SCUBE1: variants seen among roughly 807,000 people sequenced by gnomAD.
The protein encoded by SCUBE1 is signal peptide, CUB domain and EGF like domain containing 1, also known as signal peptide, CUB and EGF-like domain-containing protein 1.
Under a neutral mutation model 124.4 loss-of-function variants are expected in SCUBE1, and 59 were observed. That is an observed-to-expected ratio of 0.47 (90% CI 0.38 to 0.59). SCUBE1 has a LOEUF of 0.59. Among genes scored for constraint, SCUBE1 ranks in the 20% least tolerant of loss-of-function variants. SCUBE1 has a pLI of 0.00. For synonymous variants in SCUBE1, 545 were observed against 550.9 expected (o/e 0.99, Z 0.15); for missense variants, 1,150 against 1,371.2 (o/e 0.84, Z 2.55).
chr22:43,274,795 G>A (rs1924433944), intron 4 of SCUBE1, among the ~76,000 whole-genome samples: 1 of 152,238 alleles, frequency 6.6e-6, no homozygotes, highest in Admixed American at 6.5e-5. Flanking sequence ...ACAGCCTGGG[G>A]CTGGAGTCCC....
At chr22:43,324,916 G>A (rs557314736) in intron 2 of SCUBE1, among the ~76,000 whole-genome samples, 71 of 150,030 alleles carry the variant, frequency 4.7e-4, no homozygotes, top group African/African-American at 1.7e-3. Flanking sequence ...CTTGGAAGTA[G>A]GGTCTTTGCA....
chr22:43,200,069 G>T lies in SCUBE1; in HGVS notation c.*3928C>A. On this transcript the variant is annotated 3_prime_UTR_variant, in exon 22 of 22. Transcript: ENST00000360835. ...CACGCCTGGGTCCCACCTGACTCCTGGGAAGCTGTGCGGGAGACACCCCGG... is the reference window on the plus strand; with the variant it reads ...CACGCCTGGGTCCCACCTGACTCCTTGGAAGCTGTGCGGGAGACACCCCGG... 1 of 152,390 alleles carries T rather than the reference G, an allele frequency of 6.6e-6. No individual in the cohort carries two copies. The allele number at this position is 152,390 out of a possible 1,614,324, so 9.4% of individuals were successfully genotyped here.
rs879122443 is a variant in SCUBE1 at position 43,258,482 on chromosome 22, G to A, written c.611-147C>T. On this transcript the variant is annotated intron_variant, in intron 5 of 21. Coordinates refer to ENST00000360835, the MANE Select transcript of SCUBE1 (RefSeq NM_173050.5). The surrounding 1 kb of genome is among the most constrained non-coding windows in gnomAD (Gnocchi z 5.0). ...AGGGTCATGAGGCTCGCCGGGCAAC[G>A]GGGGAGCATTTCCCTGCACTTCAGC... 1.2e-5 allele frequency: 8 copies of A among 669,270 alleles called. No homozygotes were observed. Among genetic ancestry groups the A allele is most frequent in the South Asian group, 3.3e-5 (2 of 60,866 alleles). The allele number at this position is 669,270 out of a possible 1,614,324, so 41.5% of individuals were successfully genotyped here.
At chr22:43,230,905 C>T (rs139016) in intron 8 of SCUBE1, among the ~76,000 whole-genome samples, 11,306 of 152,274 alleles carry the variant, frequency 0.074, 557 homozygotes, top group Non-Finnish European at 0.11. Context: ...GGCAGAAGCA[C>T]AGCCTGGTAC....
intron 2 of SCUBE1, among the ~76,000 whole-genome samples, chr22:43,328,307 C>A (rs1365610551): frequency 6.6e-6 from 1 of 152,168 alleles, no homozygotes; most frequent in Non-Finnish European, 1.5e-5. Context: ...CCACAGGGAA[C>A]CTGCCAGGCT....
chr22:43,292,296 G>A (rs1280526187), intron 3 of SCUBE1, among the ~76,000 whole-genome samples: 2 of 152,098 alleles, frequency 1.3e-5, no homozygotes, highest in African/African-American at 4.8e-5. Context: ...CCTCAGGGCC[G>A]ACACTCATTT....
chr22:43,220,522 T>C lies in SCUBE1; in HGVS notation c.1615A>G (p.Lys539Glu). ...DSSKKRRRGR[K>E]SPSKEVSHIT... ...TGGGACACCTCCTTGGATGGGGACT[T>C]GCGGCCACGGCGCCTCTTCTTGGAG... Residue 539 changes from lysine to glutamate, a missense_variant, in exon 14 of 22, where the codon AAG becomes GAG. Physicochemically the swap from Lys to Glu is moderately conservative, Grantham distance 56 (BLOSUM62 1). This residue lies in a region of SCUBE1 where 757 missense variants were observed against 840.9 expected (regional missense o/e 0.90). Coordinates refer to ENST00000360835, the MANE Select transcript of SCUBE1 (RefSeq NM_173050.5). 2 of 1,614,108 alleles carry C rather than the reference T, an allele frequency of 1.2e-6. No homozygotes were observed. The highest frequency in any genetic ancestry group is 1.7e-6 in the Non-Finnish European group (2 of 1,180,000).
At chr22:43,274,504 G>T (rs1202043572) in intron 4 of SCUBE1, among the ~76,000 whole-genome samples, 2 of 152,180 alleles carry the variant, frequency 1.3e-5, no homozygotes, top group African/African-American at 4.8e-5. Flanking sequence ...GCTCAGGCAG[G>T]TGCCCAGGCC....
chr22:43,223,059 C>T (rs1237795369), intron 11 of SCUBE1, 38 bp downstream of exon 11: 1 of 1,501,220 alleles, frequency 6.7e-7, no homozygotes, highest in Admixed American at 2.4e-5. Context: ...GAAGACCCCC[C>T]TGCCACAGCA....
At chr22:43,310,951 T>A (rs1286111265) in intron 3 of SCUBE1, among the ~76,000 whole-genome samples, 4 of 152,244 alleles carry the variant, frequency 2.6e-5, no homozygotes, top group African/African-American at 4.8e-5. Context: ...GCTAATTTTT[T>A]AAATTTCTGT....
chr22:43,231,678 C>T, intron 8 of SCUBE1, 75 bp downstream of exon 8: 2 of 1,507,680 alleles, frequency 1.3e-6, no homozygotes, highest in Non-Finnish European at 1.8e-6. Flanking sequence ...TCCTAGGAGC[C>T]CGTGTCAGCC....
At chr22:43,215,361 G>A (rs890884789) in intron 15 of SCUBE1, among the ~76,000 whole-genome samples, 4 of 152,216 alleles carry the variant, frequency 2.6e-5, no homozygotes, top group Non-Finnish European at 4.4e-5. Flanking sequence ...TACAGACCCA[G>A]AGGTAAACGG....
At chr22:43,295,810 C>A (rs1569018409) in intron 3 of SCUBE1, among the ~76,000 whole-genome samples, 1 of 152,242 alleles carries the variant, frequency 6.6e-6, no homozygotes, top group Non-Finnish European at 1.5e-5. Context: ...TGCCACACTA[C>A]CCCTGAGCTG....
At chr22:43,244,721 C>T (rs946273599) in intron 6 of SCUBE1, among the ~76,000 whole-genome samples, 6 of 152,226 alleles carry the variant, frequency 3.9e-5, no homozygotes, top group Admixed American at 2.0e-4. Context: ...CTGGGTTTCC[C>T]ACCTGTGTTG....
chr22:43,264,387 TG>T (rs1701702688), intron 4 of SCUBE1, among the ~76,000 whole-genome samples: 1 of 152,106 alleles, frequency 6.6e-6, no homozygotes, highest in South Asian at 2.1e-4. Flanking sequence ...GGTCTGTCTG[TG>T]GGGGCACTGG....
intron 3 of SCUBE1, among the ~76,000 whole-genome samples, chr22:43,319,471 G>A (rs1601887827): frequency 6.9e-6 from 1 of 145,262 alleles, no homozygotes; most frequent in Admixed American, 7.1e-5. Context: ...GCTGAGGCAG[G>A]AGAATCACTT....
chr22:43,212,213 CT>C (rs927200328), intron 17 of SCUBE1, among the ~76,000 whole-genome samples: 42 of 152,304 alleles, frequency 2.8e-4, no homozygotes, highest in African/African-American at 9.6e-4. Flanking sequence ...GCTGTTCCCC[CT>C]GGAGCTCAGA....
At chr22:43,305,295 T>C (rs1434869974) in intron 3 of SCUBE1, among the ~76,000 whole-genome samples, 1 of 152,232 alleles carries the variant, frequency 6.6e-6, no homozygotes, top group East Asian at 1.9e-4. Context: ...GTCTTTTCTC[T>C]GGATTTCTCT....
At chr22:43,325,989 T>C (rs1926715331) in intron 2 of SCUBE1, among the ~76,000 whole-genome samples, 1 of 152,028 alleles carries the variant, frequency 6.6e-6, no homozygotes, top group Non-Finnish European at 1.5e-5. Flanking sequence ...TCATAAAATA[T>C]ACATTTACTC....
Sources: allele counts gnomAD v4.1 joint callset (sites outside exome capture counted in the v4.1 genomes callset), GRCh38; gene constraint gnomAD v4.1.1; regional missense constraint gnomAD v4.1.1; non-coding constraint Gnocchi (gnomAD v3.1); transcripts MANE v1.5; gene names NCBI Gene and HGNC (gene_info 2026-07-23, HGNC 2026-07-21).